The following ENTPD4 variants were observed in gnomAD, a reference collection of about 807,000 sequenced individuals.
ENTPD4 encodes the protein ectonucleoside triphosphate diphosphohydrolase 4, also known as Golgi UDPase.
A neutral mutation model predicts 79.1 loss-of-function variants in ENTPD4; 60 were observed. The observed-to-expected ratio is 0.76, with a 90% CI of 0.62 to 0.94. The LOEUF is 0.94. ENTPD4 is among the 40% of genes least tolerant of loss of function. The pLI is 0.00. For synonymous variants in ENTPD4, 276 were observed against 292.0 expected (o/e 0.95, Z 0.56); for missense variants, 772 against 775.1 (o/e 1.00, Z 0.05).
intron 4 of ENTPD4, among the ~76,000 whole-genome samples, chr8:23,444,890 C>T (rs1175229455): frequency 1.3e-5 from 2 of 152,130 alleles, no homozygotes; most frequent in African/African-American, 4.8e-5. Context: ...AACGTGCTCC[C>T]CCTCTCCTCA....
rs548817345 is a variant in ENTPD4, at chr8:23,432,878, G to A, written c.*48C>T. On this transcript the variant is annotated 3_prime_UTR_variant, in exon 13 of 13. Transcript: ENST00000358689. ...GGAAAATAAAGAGGAGAAACCCTGA[G>A]GCAAAAATGGCTTTTCCTTTTGAGT... The A allele has an allele frequency of 2.9e-5, 43 of 1,499,792 alleles. No individual in the cohort carries two copies. Among genetic ancestry groups the A allele is most frequent in the Non-Finnish European group, 3.7e-5 (41 of 1,120,376 alleles). The allele number at this position is 1,499,792 out of a possible 1,614,324, so 92.9% of individuals were successfully genotyped here.
chr8:23,437,924 G>A (rs1014952088), intron 9 of ENTPD4, among the ~76,000 whole-genome samples: 21 of 152,180 alleles, frequency 1.4e-4, no homozygotes, highest in Non-Finnish European at 2.1e-4. Context: ...CAGAAGTTAA[G>A]ACAGAATGTC....
chr8:23,440,207 C>T (rs749849904), intron 8 of ENTPD4: 1 of 274,784 alleles, frequency 3.6e-6, no homozygotes, highest in Non-Finnish European at 6.9e-6. Flanking sequence ...TGGAAATACA[C>T]CTAAACATGG....
chr8:23,449,327 AG>A (rs1800818905), intron 2 of ENTPD4, among the ~76,000 whole-genome samples: 1 of 152,212 alleles, frequency 6.6e-6, no homozygotes, highest in Non-Finnish European at 1.5e-5. Context: ...ACGGGAATGC[AG>A]TATGGAGAAA....
At position 23,448,769 on chromosome 8, in the gene ENTPD4, C is replaced by T. The variant is rs779326296; in HGVS notation, c.179G>A (p.Arg60Gln). The change falls in exon 3 of 13, where the codon CGA becomes CAA. Residue 60 changes from arginine to glutamine, a missense_variant. Physicochemically the swap from Arg to Gln is conservative, Grantham distance 43 (BLOSUM62 1). Coordinates refer to ENST00000358689, the MANE Select transcript of ENTPD4 (RefSeq NM_004901.5). Reference protein sequence around the residue: ...SVVIIRNKYGRLTRDKKFQRY... With the variant: ...SVVIIRNKYGQLTRDKKFQRY... ...TTGAAATTTCTTGTCTCTGGTTAGT[C>T]GCCCATACTTATTTCGGATTATGAC... is the stretch of plus-strand genomic sequence containing the variant. 20 of 1,613,842 alleles carry T rather than the reference C, an allele frequency of 1.2e-5. No individual in the cohort carries two copies. The highest frequency in any genetic ancestry group is 8.3e-5 in the Admixed American group (5 of 59,994).
rs1429366501 is a variant in ENTPD4, at chr8:23,430,063, A to G, written c.*2863T>C. 2 of 985,330 alleles carry G rather than the reference A, an allele frequency of 2.0e-6. No individual in the cohort carries two copies. Among genetic ancestry groups the G allele is most frequent in the Non-Finnish European group, 1.2e-6 (1 of 829,944 alleles). The allele number at this position is 985,330 out of a possible 1,614,324, so 61.0% of individuals were successfully genotyped here. ...GTCCAATTTCTTCTGCTACAAGTAC[A>G]CAGAATTTACTGCCTTCTTGGTCAG... On this transcript the variant is annotated 3_prime_UTR_variant, in exon 13 of 13. Transcript: ENST00000358689.
Position 23,431,803 on chromosome 8 carries a change from C to G in ENTPD4, c.*1123G>C, listed in dbSNP as rs77552170. 130 of 985,334 alleles carry G rather than the reference C, an allele frequency of 1.3e-4. 1 individual carries two copies. The South Asian group carries it at 2.5e-3, about 19-fold the overall frequency. 61.0% of individuals were successfully genotyped at this position (985,334 alleles called of 1,614,324 possible). On this transcript the variant is annotated 3_prime_UTR_variant, in exon 13 of 13. Transcript: ENST00000358689. ...GCATGTGCTCTAGTTCCAATAAAAC[C>G]GAAACTGGTGAAACTAGGAATTTCC...
chr8:23,437,114 A>G lies in ENTPD4; in HGVS notation c.1194T>C (p.Thr398=), dbSNP rs1416001789. ...GTGDFDLCRE[T]IQPFMNKTNE... is the part of the protein sequence containing the mutation. ...TTGTTTTATTCATGAAAGGCTGGAT[A>G]GTCTCTCGACACAGGTCAAAGTCTC... The change falls in exon 10 of 13, where the codon ACT becomes ACC. Residue 398 remains threonine, a synonymous_variant. Coordinates refer to ENST00000358689, the MANE Select transcript of ENTPD4 (RefSeq NM_004901.5). 5 of 1,614,084 alleles carry G rather than the reference A, an allele frequency of 3.1e-6. No homozygotes were observed. The highest frequency in any genetic ancestry group is 4.2e-6 in the Non-Finnish European group (5 of 1,180,042).
Position 23,431,791 on chromosome 8 carries a change from T to C in ENTPD4, c.*1135A>G. The C allele has an allele frequency of 2.0e-6, 2 of 985,470 alleles. No individual in the cohort carries two copies. The highest frequency in any genetic ancestry group is 2.4e-6 in the Non-Finnish European group (2 of 829,934). 61.0% of individuals were successfully genotyped at this position (985,470 alleles called of 1,614,324 possible). A position where few individuals can be genotyped will look rare whatever the true frequency, so the allele number is the denominator to read the frequency against. On this transcript the variant is annotated 3_prime_UTR_variant, in exon 13 of 13. Transcript: ENST00000358689. ...AGCAAGAAGTGGGCATGTGCTCTAGTTCCAATAAAACCGAAACTGGTGAAA... is the reference window on the plus strand; with the variant it reads ...AGCAAGAAGTGGGCATGTGCTCTAGCTCCAATAAAACCGAAACTGGTGAAA...
Position 23,432,978 on chromosome 8 carries a change from G to A in ENTPD4, c.1799C>T (p.Ala600Val). The A allele has an allele frequency of 6.2e-7, 1 of 1,613,348 alleles. No individual in the cohort carries two copies. ...RRTPRSSSAA[A>V]LWMEEGLPAQ... ...GGGAAGGCCCTCCTCCATCCAGAGG[G>A]CGGCGGCCGAGCTGCTCCGGGGAGT... Residue 600 changes from alanine (A) to valine (V), a missense_variant, in exon 13 of 13, where the codon GCC (alanine) becomes GTC (valine). Coordinates refer to ENST00000358689, the MANE Select transcript of ENTPD4 (RefSeq NM_004901.5).
At chr8:23,449,794 T>C in intron 2 of ENTPD4, 99 bp downstream of exon 2, 2 of 1,081,172 alleles carry the variant, frequency 1.8e-6, no homozygotes, top group Non-Finnish European at 1.4e-6. Context: ...ACAGCACAAC[T>C]TCACATTTTT....
Position 23,429,819 on chromosome 8 carries a change from G to C in ENTPD4, c.*3107C>G. 1.0e-6 allele frequency: 1 copy of C among 985,456 alleles called. No individual in the cohort carries two copies. The highest frequency in any genetic ancestry group is 1.2e-6 in the Non-Finnish European group (1 of 829,938). The allele number at this position is 985,456 out of a possible 1,614,324, so 61.0% of individuals were successfully genotyped here. A position where few individuals can be genotyped will look rare whatever the true frequency, so the allele number is the denominator to read the frequency against. Reference sequence around the variant, plus strand: ...AGCACTGCCTAAAGCCGGAGCTTAGGATGAACATGGGCAAAAAGCACTGGT... The same window carrying C: ...AGCACTGCCTAAAGCCGGAGCTTAGCATGAACATGGGCAAAAAGCACTGGT... On this transcript the variant is annotated 3_prime_UTR_variant, in exon 13 of 13. Transcript: ENST00000358689.
rs931229457 is a variant in ENTPD4 at position 23,435,455 on chromosome 8, G to C, written c.1397C>G (p.Ser466Cys). 6.2e-7 allele frequency: 1 copy of C among 1,614,006 alleles called. No individual in the cohort carries two copies. The change falls in exon 11 of 13, where the codon TCC becomes TGC. Residue 466 changes from serine to cysteine, a missense_variant. Ser to Cys is a moderately radical substitution (Grantham distance 112). Coordinates refer to ENST00000358689, the MANE Select transcript of ENTPD4 (RefSeq NM_004901.5). ...TCGGTCAAAGCGTTCCCGCAAAATG[G>C]ACCACTTTGTTGCACAATAATCCTG... ...AAKDYCATKW[S>C]ILRERFDRGL...
chr8:23,456,634 T>C (rs1382593725), intron 1 of ENTPD4, among the ~76,000 whole-genome samples: 1 of 152,152 alleles, frequency 6.6e-6, no homozygotes, highest in Non-Finnish European at 1.5e-5. Context: ...AAATAAACGA[T>C]TCAACTACAC....
chr8:23,441,365 A>T (rs1425531907), intron 8 of ENTPD4: 1 of 975,264 alleles, frequency 1.0e-6, no homozygotes, highest in African/African-American at 1.8e-5. Flanking sequence ...TTCAGAAAAC[A>T]AACCAGCTGA....
intron 1 of ENTPD4, among the ~76,000 whole-genome samples, chr8:23,452,451 G>A (rs929658335): frequency 3.3e-5 from 5 of 152,086 alleles, no homozygotes; most frequent in South Asian, 4.2e-4. Flanking sequence ...GATTTAGTCC[G>A]GTGCTGTCCA....
chr8:23,435,040 T>C (rs1384146383), intron 11 of ENTPD4, among the ~76,000 whole-genome samples: 3 of 151,910 alleles, frequency 2.0e-5, no homozygotes, highest in Admixed American at 6.6e-5. Context: ...ATTGGCGAGG[T>C]AGGATGAATT....
At chr8:23,449,148 A>G (rs1800815321) in intron 2 of ENTPD4, among the ~76,000 whole-genome samples, 1 of 152,230 alleles carries the variant, frequency 6.6e-6, no homozygotes, top group South Asian at 2.1e-4. Context: ...CCTGAAGGTT[A>G]CGACACTTCT....
intron 1 of ENTPD4, among the ~76,000 whole-genome samples, chr8:23,454,400 C>G (rs148640659): frequency 6.6e-6 from 1 of 152,200 alleles, no homozygotes; most frequent in East Asian, 1.9e-4. Flanking sequence ...GTCAGGACTA[C>G]GAAGGTGACA....
Sources: gnomAD v4.1 joint callset for allele counts (sites outside exome capture counted in the v4.1 genomes callset) on GRCh38, gnomAD v4.1.1 for gene constraint, MANE v1.5 for transcripts, NCBI Gene and HGNC (gene_info 2026-07-23, HGNC 2026-07-21) for gene names.